The following CNTNAP2 variants were observed in gnomAD, a reference collection of about 807,000 sequenced individuals.
CNTNAP2 encodes the protein contactin-associated protein-like 2.
A neutral mutation model predicts 155.2 loss-of-function variants in CNTNAP2; 98 were observed. The observed-to-expected ratio is 0.63, with a 90% CI of 0.54 to 0.75. The LOEUF (loss-of-function observed/expected upper bound fraction) is 0.75. CNTNAP2 is among the 30% of genes least tolerant of loss of function. CNTNAP2 has a pLI of 0.00. For synonymous variants in CNTNAP2, 651 were observed against 631.2 expected (o/e 1.03, Z -0.47); for missense variants, 1,727 against 1,688.1 (o/e 1.02, Z -0.40).
chr7:147,407,235 G>A lies in CNTNAP2; in HGVS notation c.1670+11455G>A, dbSNP rs183374213. On this transcript the variant is annotated intron_variant, in intron 10 of 23. Coordinates refer to ENST00000361727, the MANE Select transcript of CNTNAP2 (RefSeq NM_014141.6). ...TGTGATCCCAGCACTTTGGGAGGCC[G>A]AGGCGGGCAGATCACGAGGTCAGGA... Among the ~76,000 whole-genome samples the A allele has an allele frequency of 1.6e-3, 249 of 152,160 alleles. 2 individuals are homozygous for A. The highest frequency in any genetic ancestry group is 0.011 in the South Asian group (51 of 4,818).
At chr7:146,796,158 G>A (rs1168032805) in intron 2 of CNTNAP2, among the ~76,000 whole-genome samples, 1 of 152,136 alleles carries the variant, frequency 6.6e-6, no homozygotes, top group East Asian at 1.9e-4. Context: ...ATGCTTTATT[G>A]AAAGTGAAGG....
intron 13 of CNTNAP2, among the ~76,000 whole-genome samples, chr7:147,893,909 G>A (rs903386103): frequency 2.0e-5 from 3 of 152,158 alleles, no homozygotes; most frequent in African/African-American, 7.2e-5. Flanking sequence ...GTCCCTGGGG[G>A]AGGGGTTCCC....
intron 3 of CNTNAP2, among the ~76,000 whole-genome samples, chr7:146,874,677 A>C (rs1242873373): frequency 1.3e-5 from 2 of 152,308 alleles, no homozygotes; most frequent in Non-Finnish European, 2.9e-5. Context: ...TAATTGTGTG[A>C]CTGTGTAACA....
intron 1 of CNTNAP2, among the ~76,000 whole-genome samples, chr7:146,701,543 T>C (rs1236199645): frequency 6.6e-6 from 1 of 152,176 alleles, no homozygotes; most frequent in African/African-American, 2.4e-5. Flanking sequence ...ATGTAACTTA[T>C]AGACAGGGGT....
intron 1 of CNTNAP2, among the ~76,000 whole-genome samples, chr7:146,158,426 G>A (rs569064890): frequency 2.6e-5 from 4 of 151,774 alleles, no homozygotes; most frequent in South Asian, 2.1e-4. Flanking sequence ...TCAGAGGATC[G>A]GTAATAACAA....
intron 1 of CNTNAP2, among the ~76,000 whole-genome samples, chr7:146,672,027 G>A (rs931152879): frequency 6.6e-6 from 1 of 151,930 alleles, no homozygotes; most frequent in African/African-American, 2.4e-5. Context: ...TCTTGGCCAG[G>A]CTGGTCTTGA....
intron 1 of CNTNAP2, among the ~76,000 whole-genome samples, chr7:146,741,678 T>G (rs1801719188): frequency 6.6e-6 from 1 of 152,074 alleles, no homozygotes; most frequent in South Asian, 2.1e-4. Context: ...GGAATGGGCA[T>G]GGAGGGTGAG....
At chr7:148,185,101 T>C (rs150276764) in intron 18 of CNTNAP2, among the ~76,000 whole-genome samples, 1 of 152,308 alleles carries the variant, frequency 6.6e-6, no homozygotes, top group African/African-American at 2.4e-5. Context: ...CCCTCTCAAT[T>C]GTTGACATTA....
chr7:146,142,731 A>G (rs1166421338), intron 1 of CNTNAP2, among the ~76,000 whole-genome samples: 2 of 152,202 alleles, frequency 1.3e-5, no homozygotes, highest in Non-Finnish European at 2.9e-5. Context: ...GTAAAATAAT[A>G]CATCTTTTGG....
rs575420122 is a variant in CNTNAP2, at chr7:148,105,882, C to T, written c.2384-12236C>T. Among the ~76,000 whole-genome samples the T allele has an allele frequency of 4.6e-5, 7 of 152,282 alleles. No homozygotes were observed. In the South Asian group the frequency reaches 6.2e-4, roughly 14 times the overall value. ...GATTACAGGCATGTGCCACCATGCC[C>T]GGCCTTGTTTTGCATTTTAGATGGA... is the stretch of plus-strand genomic sequence containing the variant. On this transcript the variant is annotated intron_variant, in intron 15 of 23. Transcript: ENST00000361727.
intron 11 of CNTNAP2, among the ~76,000 whole-genome samples, chr7:147,555,425 C>T (rs1026420292): frequency 6.6e-6 from 1 of 152,096 alleles, no homozygotes; most frequent in African/African-American, 2.4e-5. Flanking sequence ...CAAGTATGTA[C>T]AAGTATATAG....
At chr7:146,851,911 C>T (rs1794886635) in intron 3 of CNTNAP2, among the ~76,000 whole-genome samples, 2 of 151,870 alleles carry the variant, frequency 1.3e-5, no homozygotes, top group African/African-American at 2.4e-5. Flanking sequence ...GTCTTGAACT[C>T]CTGAGCTCAA....
intron 1 of CNTNAP2, among the ~76,000 whole-genome samples, chr7:146,499,597 C>T (rs1416185213): frequency 6.6e-6 from 1 of 152,008 alleles, no homozygotes; most frequent in African/African-American, 2.4e-5. Flanking sequence ...CCTTCCTCCC[C>T]CCACACCCCG....
At chr7:146,949,258 T>C (rs33954628) in intron 3 of CNTNAP2, among the ~76,000 whole-genome samples, 34,785 of 152,168 alleles carry the variant, frequency 0.23, 5,138 homozygotes, top group Non-Finnish European at 0.32. Context: ...ATAAATGAAA[T>C]TGTCAAGATA....
At chr7:147,471,028 A>T (rs1421424953) in intron 10 of CNTNAP2, among the ~76,000 whole-genome samples, 1 of 152,182 alleles carries the variant, frequency 6.6e-6, no homozygotes, top group South Asian at 2.1e-4. Flanking sequence ...TTGCAAGCCA[A>T]CTGAAGAGTG....
At chr7:147,808,722 C>T (rs1339185311) in intron 13 of CNTNAP2, among the ~76,000 whole-genome samples, 2 of 152,170 alleles carry the variant, frequency 1.3e-5, no homozygotes, top group African/African-American at 2.4e-5. Flanking sequence ...AATTCCTTCT[C>T]ATCCTTTAAA....
intron 20 of CNTNAP2, chr7:148,263,238 TA>T (rs1308547462): frequency 2.0e-5 from 3 of 152,140 alleles, no homozygotes; most frequent in Non-Finnish European, 4.4e-5. Context: ...ACTGAGCAGG[TA>T]ATTTGGATTA....
Position 147,784,402 on chromosome 7 carries a change from A to G in CNTNAP2, c.2099-119163A>G, listed in dbSNP as rs539782172. ...AAAACATATATATATATATATATAT[A>G]TATATGTAACATATAATAACATATA... On this transcript the variant is annotated intron_variant, in intron 13 of 23. Coordinates refer to ENST00000361727, the MANE Select transcript of CNTNAP2 (RefSeq NM_014141.6). Among the ~76,000 whole-genome samples, 8 of 129,040 alleles carry G rather than the reference A, an allele frequency of 6.2e-5. No individual in the cohort carries two copies. In the East Asian group the frequency reaches 1.9e-3, roughly 30 times the overall value. 84.7% of individuals were successfully genotyped at this position (129,040 alleles called of 152,430 possible). A position where few individuals can be genotyped will look rare whatever the true frequency, so the allele number is the denominator to read the frequency against.
chr7:146,416,252 A>G (rs1011117258), intron 1 of CNTNAP2, among the ~76,000 whole-genome samples: 2 of 150,726 alleles, frequency 1.3e-5, no homozygotes, highest in African/African-American at 4.9e-5. Context: ...AAATATATAT[A>G]CACACATATA....
Sources: gnomAD v4.1 joint callset for allele counts (sites outside exome capture counted in the v4.1 genomes callset) on GRCh38, gnomAD v4.1.1 for gene constraint, MANE v1.5 for transcripts, NCBI Gene and HGNC (gene_info 2026-07-23, HGNC 2026-07-21) for gene names.